The following TMEM235 variants were observed in gnomAD, a reference collection of about 807,000 sequenced individuals.
TMEM235 encodes claudin-27.
Under a neutral mutation model 22.9 loss-of-function variants are expected in TMEM235, and 23 were observed. The observed-to-expected ratio is 1.00, with a 90% confidence interval of 0.72 to 1.42. The LOEUF (loss-of-function observed/expected upper bound fraction) is 1.42, where lower values mean the gene tolerates loss of function less well. Ranked by LOEUF, TMEM235 falls within the 40% of genes most tolerant of loss-of-function variation. TMEM235 has a pLI of 0.00. For missense variants in TMEM235, 308 were observed against 299.5 expected, an observed-to-expected ratio of 1.03 and a Z score of -0.21; for synonymous variants, 137 against 140.5, an observed-to-expected ratio of 0.98 and a Z score of 0.17.
At chr17:78,232,057 G>A (rs1250718389) in exon 2 of TMEM235, 2 of 1,259,136 alleles carry the variant, frequency 1.6e-6, no homozygotes, top group South Asian at 1.8e-5. Flanking sequence ...CCTGGCCGCC[G>A]CCCTGGGTGC....
At position 78,237,242 on chromosome 17, in the gene TMEM235, C is replaced by T. The variant is rs771848091; in HGVS notation, c.410-1782C>T. 6.6e-5 allele frequency among the ~76,000 whole-genome samples: 10 copies of T among 152,122 alleles called. No individual in the cohort carries two copies. The highest frequency in any genetic ancestry group is 1.9e-4 in the East Asian group (1 of 5,176). ...CAAAGGCACCTGCCCAGGGTCAGCTCGGCCCTCACCCCTCACTAGCACTGC... is the reference window on the plus strand; with the variant it reads ...CAAAGGCACCTGCCCAGGGTCAGCTTGGCCCTCACCCCTCACTAGCACTGC... On this transcript the variant is annotated intron_variant, in intron 4 of 5. Coordinates refer to ENST00000421688, the Ensembl canonical transcript of TMEM235. The surrounding 1 kb of genome is among the most constrained non-coding windows in gnomAD (Gnocchi z 4.7).
chr17:78,239,217 C>A (rs373500178), exon 5 of TMEM235: 3 of 1,543,268 alleles, frequency 1.9e-6, no homozygotes, highest in South Asian at 2.4e-5. Context: ...CTGCCTGGAC[C>A]CTCAGCCTGA....
At chr17:78,239,094 G>C (rs1465041472) in exon 5 of TMEM235, 1 of 1,544,314 alleles carries the variant, frequency 6.5e-7, no homozygotes, top group Non-Finnish European at 8.7e-7. Context: ...AGACGGTGCA[G>C]CAGTATGGCC....
At position 78,239,732 on chromosome 17, in the gene TMEM235, A is replaced by G. The variant is rs78679434; in HGVS notation, c.660-48A>G. 2,349 of 1,511,228 alleles carry G rather than the reference A, an allele frequency of 1.6e-3. 46 individuals carry two copies. In the African/African-American group the frequency reaches 0.029, roughly 19 times the overall value. 93.6% of individuals were successfully genotyped at this position (1,511,228 alleles called of 1,614,324 possible). On this transcript the variant is annotated intron_variant, in intron 5 of 5. Transcript: ENST00000421688. ...AGGACTGGGCTCCATGCTCCTCTCC[A>G]GCCCCGCAATGGCCCTACTCAATGA...
At chr17:78,239,157 C>G in exon 5 of TMEM235, 1 of 1,542,792 alleles carries the variant, frequency 6.5e-7, no homozygotes, top group South Asian at 1.2e-5. Context: ...TGGCCCTGGC[C>G]TGGGGCTCCT....
At position 78,231,950 on chromosome 17, in the gene TMEM235, C is replaced by A. The variant is rs1253867704; in HGVS notation, c.-74C>A. The A allele has an allele frequency of 5.3e-4, 554 of 1,046,686 alleles. 1 individual carries two copies. The highest frequency in any genetic ancestry group is 5.7e-4 in the Non-Finnish European group (495 of 870,344). The allele number at this position is 1,046,686 out of a possible 1,614,324, so 64.8% of individuals were successfully genotyped here. ...CCCGCCCGCCCCCCGTCCCCCGGCT[C>A]CCGGCTCCGCGCGCCCCCCGCCGCC... On this transcript the variant is annotated 5_prime_UTR_variant, in exon 2 of 6. Coordinates refer to ENST00000421688, the Ensembl canonical transcript of TMEM235.
intron 2 of TMEM235, 66 bp from the exon 2 acceptor site, chr17:78,233,829 G>A: frequency 6.8e-7 from 1 of 1,478,280 alleles, no homozygotes; most frequent in East Asian, 2.5e-5. Context: ...GGTCCCCTGG[G>A]CTCGGGTAGG....
rs1171450583 is a variant in TMEM235, at chr17:78,237,307, G to A, written c.410-1717G>A. ...AGATAGAGGGCCCCAGATCGATTGG[G>A]TGCCCTTCCCTGAGACAGGATCTTG... On this transcript the variant is annotated intron_variant, in intron 4 of 5. Transcript: ENST00000421688. This position sits in a 1 kb window ranked among gnomAD's most constrained non-coding sequence, Gnocchi z 4.7. Among the ~76,000 whole-genome samples the A allele has an allele frequency of 1.3e-5, 2 of 152,114 alleles. No homozygotes were observed. The highest frequency in any genetic ancestry group is 4.8e-5 in the African/African-American group (2 of 41,422).
intron 3 of TMEM235, chr17:78,234,263 G>A: frequency 2.9e-6 from 2 of 688,194 alleles, no homozygotes; most frequent in Middle Eastern, 4.6e-4. Context: ...GATCCTGCGG[G>A]CCTTGCAGAC....
chr17:78,240,007 TG>T, exon 6 of TMEM235: 1 of 1,533,362 alleles, frequency 6.5e-7, no homozygotes, highest in Non-Finnish European at 8.8e-7. Context: ...CCCCCTCCCT[TG>T]TTCTCAAGCC....
chr17:78,236,147 G>A lies in TMEM235; in HGVS notation c.409+1417G>A, dbSNP rs144154330. ...GTGGGTCAGAGCCTGGGACAGGGAGGAGCACCGGGGTCCAAGCTTCTTGGT... is the reference window on the plus strand; with the variant it reads ...GTGGGTCAGAGCCTGGGACAGGGAGAAGCACCGGGGTCCAAGCTTCTTGGT... On this transcript the variant is annotated intron_variant, in intron 4 of 5. Transcript: ENST00000421688. Among the ~76,000 whole-genome samples, 56 of 152,346 alleles carry A rather than the reference G, an allele frequency of 3.7e-4. No homozygotes were observed. The East Asian group carries it at 0.01, about 28-fold the overall frequency.
At chr17:78,239,146 A>G (rs866769682) in exon 5 of TMEM235, 5 of 1,542,818 alleles carry the variant, frequency 3.2e-6, no homozygotes, top group East Asian at 2.4e-5. Context: ...CGGCTGGTCC[A>G]TGGCCCTGGC....
At chr17:78,236,819 G>T (rs1002905275) in intron 4 of TMEM235, among the ~76,000 whole-genome samples, 1 of 152,342 alleles carries the variant, frequency 6.6e-6, no homozygotes, top group Non-Finnish European at 1.5e-5. Flanking sequence ...TGGGTGCAGA[G>T]ATTGGGGAAA....
chr17:78,234,507 G>A, intron 3 of TMEM235, 86 bp from the exon 3 acceptor site: 3 of 1,514,146 alleles, frequency 2.0e-6, no homozygotes, highest in Middle Eastern at 1.7e-4. Flanking sequence ...CTGAGAAGAC[G>A]AAGCACCACG....
chr17:78,240,164 G>A (rs956970433), exon 6 of TMEM235: 3 of 921,974 alleles, frequency 3.3e-6, no homozygotes, highest in Non-Finnish European at 4.4e-6. Context: ...TGAGTGCCCT[G>A]GTGGGCACAC....
At chr17:78,234,648 T>C (rs11077350) in exon 4 of TMEM235, 691,241 of 1,535,998 alleles carry the variant, frequency 0.45, 159,174 homozygotes, top group Middle Eastern at 0.52. Context: ...TTCTCGTGTG[T>C]GGCTGGATCT....
intron 4 of TMEM235, 136 bp downstream of exon 3, chr17:78,234,866 G>C (rs893819545): frequency 1.8e-6 from 2 of 1,140,526 alleles, no homozygotes; most frequent in Middle Eastern, 2.8e-4. Flanking sequence ...CGATGGAGCC[G>C]TGGCAGGCAG....
In TMEM235 at chr17:78,239,715, G is replaced by A. The variant is rs1008778404; in HGVS notation, c.660-65G>A. 3 of 1,494,894 alleles carry A rather than the reference G, an allele frequency of 2.0e-6. No homozygotes were observed. In the Admixed American group the frequency reaches 6.6e-5, roughly 33 times the overall value. 92.6% of individuals were successfully genotyped at this position (1,494,894 alleles called of 1,614,324 possible). Reference sequence around the variant, plus strand: ...TGCCTGTTAAATGCCGCAGGACTGGGCTCCATGCTCCTCTCCAGCCCCGCA... The same window carrying A: ...TGCCTGTTAAATGCCGCAGGACTGGACTCCATGCTCCTCTCCAGCCCCGCA... On this transcript the variant is annotated intron_variant, in intron 5 of 5. Coordinates refer to ENST00000421688, the Ensembl canonical transcript of TMEM235.
At chr17:78,239,728 C>A in intron 5 of TMEM235, 52 bp from the exon 5 acceptor site, 1 of 1,508,986 alleles carries the variant, frequency 6.6e-7, no homozygotes, top group Non-Finnish European at 8.9e-7. Context: ...CCATGCTCCT[C>A]TCCAGCCCCG....
Sources: allele counts gnomAD v4.1 joint callset (sites outside exome capture counted in the v4.1 genomes callset), GRCh38; gene constraint gnomAD v4.1.1; non-coding constraint Gnocchi (gnomAD v3.1); transcripts MANE v1.5; gene names NCBI Gene and HGNC (gene_info 2026-07-23, HGNC 2026-07-21).